HDHD5: variants seen among roughly 807,000 people sequenced by gnomAD.
The protein encoded by HDHD5 is haloacid dehalogenase-like hydrolase domain-containing 5.
A neutral mutation model predicts 35.5 loss-of-function variants in HDHD5; 34 were observed. The observed-to-expected ratio is 0.96, with a 90% CI of 0.73 to 1.28. The LOEUF is 1.28. Ranked by LOEUF, HDHD5 falls within the 50% of genes most tolerant of loss-of-function variation. The probability of loss-of-function intolerance (pLI) is 0.00; values close to 1 mark genes in which losing one functional copy is unlikely to be tolerated. For missense variants in HDHD5, 589 were observed against 560.2 expected (o/e 1.05, Z -0.52); for synonymous variants, 248 against 240.6 (o/e 1.03, Z -0.29).
At chr22:17,165,226 G>T (rs2061884493) in exon 1 of HDHD5, 1 of 777,890 alleles carries the variant, frequency 1.3e-6, no homozygotes, top group African/African-American at 1.7e-5. Context: ...AAGCTGGGAA[G>T]AAAGAACCAA....
chr22:17,155,045 G>C (rs2061771715), intron 1 of HDHD5, among the ~76,000 whole-genome samples: 1 of 152,184 alleles, frequency 6.6e-6, no homozygotes, highest in South Asian at 2.1e-4. Flanking sequence ...GATAAGCAAA[G>C]CAGGTGTTGA....
At chr22:17,144,665 T>C (rs1208159717) in intron 4 of HDHD5, among the ~76,000 whole-genome samples, 1 of 152,078 alleles carries the variant, frequency 6.6e-6, no homozygotes, top group Non-Finnish European at 1.5e-5. Flanking sequence ...CCACCCGCCT[T>C]GGCCTCCCAA....
intron 3 of HDHD5, among the ~76,000 whole-genome samples, chr22:17,148,204 C>T (rs545167504): frequency 1.3e-5 from 2 of 152,274 alleles, no homozygotes; most frequent in East Asian, 3.9e-4. Flanking sequence ...AGCGCAGATA[C>T]CCTGGGATCT....
In HDHD5 at chr22:17,149,780, G is replaced by A. The variant is rs1401096063; in HGVS notation, c.127-35C>T. On this transcript the variant is annotated intron_variant, in intron 1 of 7. Coordinates refer to ENST00000336737, the MANE Select transcript of HDHD5 (RefSeq NM_033070.3). The stretch of plus-strand genomic sequence containing the variant: ...TGGTAAGATAATTACCAGTACGTGA[G>A]TAACAAAGAAACAACCCTTACAAAG... 1.0e-5 allele frequency: 16 copies of A among 1,588,756 alleles called. No homozygotes were observed. The East Asian group carries it at 3.4e-4, about 33-fold the overall frequency.
At chr22:17,159,286 G>GCCCCC, upstream of HDHD5, 2 of 1,039,832 alleles carry the variant, frequency 1.9e-6, no homozygotes, top group Non-Finnish European at 2.3e-6. Context: ...ACGGCGTGCG[G>GCCCCC]CCCCCCCCCC....
At chr22:17,143,225 A>T in intron 4 of HDHD5, 94 bp from the exon 5 acceptor site, 1 of 1,372,904 alleles carries the variant, frequency 7.3e-7, no homozygotes, top group Non-Finnish European at 1.0e-6. Context: ...AGGGGAGGGG[A>T]GACACACTCC....
At chr22:17,148,786 G>A (rs73381984) in intron 2 of HDHD5, among the ~76,000 whole-genome samples, 2,483 of 152,274 alleles carry the variant, frequency 0.016, 68 homozygotes, top group African/African-American at 0.056. Context: ...GACCAGAAAT[G>A]CCACAGATGT....
At chr22:17,148,336 G>A (rs1601391414) in intron 3 of HDHD5, 112 bp downstream of exon 3, 14 of 839,340 alleles carry the variant, frequency 1.7e-5, no homozygotes, top group South Asian at 1.5e-4. Flanking sequence ...CCACAACATC[G>A]CCTGTGTACC....
At chr22:17,152,074 C>A (rs2061732723) in intron 1 of HDHD5, among the ~76,000 whole-genome samples, 1 of 152,188 alleles carries the variant, frequency 6.6e-6, no homozygotes, top group African/African-American at 2.4e-5. Flanking sequence ...ATTAGACAGG[C>A]AGCCCCAGGA....
At chr22:17,159,607 G>A (rs1273229292), upstream of HDHD5, 4 of 412,424 alleles carry the variant, frequency 9.7e-6, no homozygotes, top group Admixed American at 5.8e-5. Context: ...GGACTGTCTG[G>A]GCCGGGGGTC....
At position 17,147,573 on chromosome 22, in the gene HDHD5, G is replaced by A. The variant is rs370723481; in HGVS notation, c.443+875C>T. On this transcript the variant is annotated intron_variant, in intron 3 of 7. Coordinates refer to ENST00000336737, the MANE Select transcript of HDHD5 (RefSeq NM_033070.3). ...TGAGCTTACCGGCCTTCGATCACAC[G>A]CCATCGCACACGCCCCACACCTGTG... 5.1e-4 allele frequency among the ~76,000 whole-genome samples: 70 copies of A among 137,728 alleles called. No homozygotes were observed. The East Asian group carries it at 0.012, about 25-fold the overall frequency. The allele number at this position is 137,728 out of a possible 152,430, so 90.4% of individuals were successfully genotyped here.
upstream of HDHD5, chr22:17,159,842 A>C (rs1481213694): frequency 1.9e-5 from 5 of 260,756 alleles, no homozygotes; most frequent in Non-Finnish European, 3.8e-5. Context: ...TACAAGGTAC[A>C]AAATGACTAC....
intron 5 of HDHD5, 185 bp downstream of exon 5, chr22:17,142,913 G>C: frequency 1.7e-6 from 1 of 580,770 alleles, no homozygotes; most frequent in Non-Finnish European, 3.0e-6. Flanking sequence ...AGTGGCATGG[G>C]GAAGGAAAGA....
rs184068155 is a variant in HDHD5 at position 17,144,030 on chromosome 22, A to C, written c.538-899T>G. 2.2e-4 allele frequency among the ~76,000 whole-genome samples: 34 copies of C among 152,336 alleles called. No homozygotes were observed. The East Asian group carries it at 6.6e-3, about 29-fold the overall frequency. ...ACCTGGGCAGATGTGCAGACTGACC[A>C]GTGCTTCCTCTGCAAGCAAGCTACC... On this transcript the variant is annotated intron_variant, in intron 4 of 7. Coordinates refer to ENST00000336737, the MANE Select transcript of HDHD5 (RefSeq NM_033070.3).
intron 5 of HDHD5, 42 bp downstream of exon 5, chr22:17,143,055 CG>C (rs1568940814): frequency 6.2e-7 from 1 of 1,601,274 alleles, no homozygotes; most frequent in South Asian, 1.1e-5. Flanking sequence ...AGAGAGGAGA[CG>C]GAGAAAAGAC....
chr22:17,159,002 G>T, intron 1 of HDHD5, 124 bp downstream of exon 1: 4 of 913,672 alleles, frequency 4.4e-6, no homozygotes, highest in Non-Finnish European at 5.6e-6. Context: ...CGGGCGCGAC[G>T]ACGGTCCAGG....
chr22:17,165,287 G>T, exon 1 of HDHD5: 4 of 764,194 alleles, frequency 5.2e-6, no homozygotes, highest in South Asian at 2.8e-5. Context: ...TGGTCCACCA[G>T]AAGTCTGTGT....
chr22:17,154,256 G>C (rs565796982), intron 1 of HDHD5, among the ~76,000 whole-genome samples: 49 of 151,796 alleles, frequency 3.2e-4, no homozygotes, highest in African/African-American at 1.2e-3. Context: ...GCCGAGGTGG[G>C]CAGATCGCCT....
At position 17,137,656 on chromosome 22, in the gene HDHD5, C is replaced by A. The variant is rs989963059; in HGVS notation, c.*365G>T. ...CCGACAGGCTGCATGCCTTCAGTGC[C>A]GGCAAAGGCTCTGCACAGACATCCA... is the stretch of plus-strand genomic sequence containing the variant. On this transcript the variant is annotated 3_prime_UTR_variant, in exon 8 of 8. Coordinates refer to ENST00000336737, the MANE Select transcript of HDHD5 (RefSeq NM_033070.3). 1.4e-4 allele frequency: 28 copies of A among 205,754 alleles called. No homozygotes were observed. Among genetic ancestry groups the A allele is most frequent in the African/African-American group, 6.2e-4 (27 of 43,440 alleles). The allele number at this position is 205,754 out of a possible 1,614,324, so 12.7% of individuals were successfully genotyped here. A position where few individuals can be genotyped will look rare whatever the true frequency, so the allele number is the denominator to read the frequency against.
Sources: allele counts gnomAD v4.1 joint callset (sites outside exome capture counted in the v4.1 genomes callset), GRCh38; gene constraint gnomAD v4.1.1; transcripts MANE v1.5; gene names NCBI Gene and HGNC (gene_info 2026-07-23, HGNC 2026-07-21).